Variants in ADGRG1 observed in about 807,000 individuals in gnomAD.
ADGRG1 encodes adhesion G protein-coupled receptor G1, also known as 7-transmembrane protein with no EGF-like N-terminal domains-1.
In ADGRG1, 53 loss-of-function variants were observed where a neutral mutation model predicts 73.5. The observed-to-expected ratio is 0.72, with a 90% CI of 0.58 to 0.91. ADGRG1 has a LOEUF of 0.91. Ranked by LOEUF, ADGRG1 falls within the 40% of genes least tolerant of loss-of-function variation. ADGRG1 has a pLI of 0.00. For missense variants in ADGRG1, 795 were observed against 871.8 expected (o/e 0.91, Z 1.11); for synonymous variants, 394 against 374.4 (o/e 1.05, Z -0.60).
intron 9 of ADGRG1, among the ~76,000 whole-genome samples, chr16:57,656,885 T>C (rs1248396698): frequency 6.6e-6 from 1 of 152,178 alleles, no homozygotes; most frequent in Non-Finnish European, 1.5e-5. Context: ...TGCAGATTCC[T>C]GGCCCTCACC....
intron 1 of ADGRG1, chr16:57,629,278 C>A (rs1446982036): frequency 5.1e-6 from 3 of 585,860 alleles, no homozygotes; most frequent in Non-Finnish European, 6.4e-6. Flanking sequence ...GGACTGGGGC[C>A]CAAGGGGAGC....
chr16:57,625,541 C>G (rs1345693736), upstream of ADGRG1: 1 of 984,410 alleles, frequency 1.0e-6, no homozygotes, highest in African/African-American at 1.7e-5. Context: ...CCCAACTTCC[C>G]CTCTACTCCT....
At position 57,629,931 on chromosome 16, in the gene ADGRG1, G is replaced by A. The variant is rs528985837; in HGVS notation, c.-36+1129G>A. On this transcript the variant is annotated intron_variant, in intron 1 of 13. Transcript: ENST00000562631. ...TCTGATGTTCATTTTACTGCGTAGG[G>A]AGGAGGGGATGGGTCAAGGCAGGGG... The A allele has an allele frequency of 3.7e-5, 30 of 815,060 alleles. No individual in the cohort carries two copies. The African/African-American group carries it at 4.3e-4, about 12-fold the overall frequency. The allele number at this position is 815,060 out of a possible 1,614,324, so 50.5% of individuals were successfully genotyped here.
intron 1 of ADGRG1, chr16:57,642,165 G>A: frequency 1.0e-6 from 1 of 985,374 alleles, no homozygotes; most frequent in Non-Finnish European, 1.2e-6. Context: ...TTGAGATGAA[G>A]TCACAGGCCC....
At chr16:57,637,259 G>A (rs1322555145) in intron 1 of ADGRG1, 1 of 962,108 alleles carries the variant, frequency 1.0e-6, no homozygotes, top group African/African-American at 1.8e-5. Flanking sequence ...CCCTGGTCGG[G>A]AATGTTGTAG....
At chr16:57,642,365 T>A in intron 1 of ADGRG1, 3 of 985,220 alleles carry the variant, frequency 3.0e-6, no homozygotes, top group Middle Eastern at 5.2e-4. Flanking sequence ...TGCCTAAGTG[T>A]CTCCTCTAGC....
At chr16:57,654,633 A>G (rs1299344198) in intron 5 of ADGRG1, among the ~76,000 whole-genome samples, 1 of 152,086 alleles carries the variant, frequency 6.6e-6, no homozygotes, top group East Asian at 1.9e-4. Flanking sequence ...TAATCCCAGC[A>G]TTTTGGGAGG....
chr16:57,650,298 A>G lies in ADGRG1; in HGVS notation c.11A>G (p.Gln4Arg). The change falls in exon 2 of 14, where the codon CAG becomes CGG. Residue 4 changes from glutamine (Q) to arginine (R), a missense_variant. Coordinates refer to ENST00000562631, the MANE Select transcript of ADGRG1 (RefSeq NM_201525.4). MTP[Q>R]SLLQTTLFLL... is the part of the protein sequence containing the mutation. ...CTCCGTCGGAGGAAAATGACTCCCCAGTCGCTGCTGCAGACGACACTGTTC... is the reference window on the plus strand; with the variant it reads ...CTCCGTCGGAGGAAAATGACTCCCCGGTCGCTGCTGCAGACGACACTGTTC... 3 of 1,613,726 alleles carry G rather than the reference A, an allele frequency of 1.9e-6. No homozygotes were observed. The highest frequency in any genetic ancestry group is 1.7e-5 in the Admixed American group (1 of 60,026).
rs1309106217 is a variant in ADGRG1 at position 57,663,579 on chromosome 16, C to T, written c.2061C>T (p.Ile687=). ...CGGGCAGCACCTCGTCCAGCCGCAT[C>T]TAGGCCTCCAGCCCACCTGCCCATG... is the stretch of plus-strand genomic sequence containing the variant. ...ISSGSTSSSR[I] The change falls in exon 14 of 14, where the codon ATC becomes ATT. Residue 687 remains isoleucine, a synonymous_variant. Coordinates refer to ENST00000562631, the MANE Select transcript of ADGRG1 (RefSeq NM_201525.4). 6.2e-7 allele frequency: 1 copy of T among 1,613,204 alleles called. No homozygotes were observed. Among genetic ancestry groups the T allele is most frequent in the South Asian group, 1.1e-5 (1 of 91,084 alleles).
chr16:57,659,840 C>T (rs2046652034), intron 11 of ADGRG1, among the ~76,000 whole-genome samples, 159 bp downstream of exon 11: 1 of 152,216 alleles, frequency 6.6e-6, no homozygotes, highest in Non-Finnish European at 1.5e-5. Context: ...AATCAAGGTC[C>T]CCTTTAGGAA....
At chr16:57,633,045 C>A in intron 1 of ADGRG1, 1 of 759,444 alleles carries the variant, frequency 1.3e-6, no homozygotes, top group Non-Finnish European at 1.6e-6. Context: ...TACCCCCAGC[C>A]TGGATGCTCA....
intron 4 of ADGRG1, chr16:57,653,679 AC>A: frequency 2.3e-6 from 2 of 867,598 alleles, no homozygotes; most frequent in Non-Finnish European, 2.8e-6. Context: ...CTGGGCCCAA[AC>A]CCATGGTGCT....
At chr16:57,622,794 T>A, upstream of ADGRG1, 2 of 985,364 alleles carry the variant, frequency 2.0e-6, no homozygotes, top group Non-Finnish European at 2.4e-6. Flanking sequence ...GTCTACCTTC[T>A]ATCTCAGGCA....
intron 11 of ADGRG1, chr16:57,660,295 T>A: frequency 2.0e-6 from 2 of 985,168 alleles, no homozygotes; most frequent in Non-Finnish European, 2.4e-6. Context: ...CATTCCCCCA[T>A]TTGCATGAAA....
At chr16:57,628,030 G>A (rs1156505828), upstream of ADGRG1, 1 of 984,252 alleles carries the variant, frequency 1.0e-6, no homozygotes, top group Non-Finnish European at 1.2e-6. Context: ...GAAACTGTGG[G>A]TGCTTGAGGA....
chr16:57,650,890 A>G (rs2043902837), intron 2 of ADGRG1: 1 of 177,676 alleles, frequency 5.6e-6, no homozygotes, highest in African/African-American at 2.4e-5. Context: ...TTGTATTTTT[A>G]GTAGAGACGG....
At chr16:57,660,736 G>A in intron 11 of ADGRG1, 32 bp from the exon 12 acceptor site, 1 of 1,515,896 alleles carries the variant, frequency 6.6e-7, no homozygotes, top group South Asian at 1.1e-5. Flanking sequence ...TCAGAGAGCG[G>A]GAAGTAGAGC....
rs751947630 is a variant in ADGRG1, at chr16:57,628,921, AGTGT to A, written c.-36+121_-36+124del. 11 of 645,500 alleles carry A rather than the reference AGTGT, an allele frequency of 1.7e-5. No homozygotes were observed. The African/African-American group carries it at 2.7e-4, about 16-fold the overall frequency. The allele number at this position is 645,500 out of a possible 1,614,324, so 40.0% of individuals were successfully genotyped here. A position where few individuals can be genotyped will look rare whatever the true frequency, so the allele number is the denominator to read the frequency against. On this transcript the variant is annotated intron_variant, in intron 1 of 13. Transcript: ENST00000562631. ...GTGTGAGTGTGAGTGTGTGAGAGTG[AGTGT>A]GAGTGTGAGTGTGAGCGTGAGAGTG...
At chr16:57,627,978 GA>G, upstream of ADGRG1, 1 of 985,192 alleles carries the variant, frequency 1.0e-6, no homozygotes, top group Non-Finnish European at 1.2e-6. Context: ...GCCGTTTCCA[GA>G]AGCCCCTGGG....
Sources: allele counts gnomAD v4.1 joint callset (sites outside exome capture counted in the v4.1 genomes callset), GRCh38; gene constraint gnomAD v4.1.1; transcripts MANE v1.5; gene names NCBI Gene and HGNC (gene_info 2026-07-23, HGNC 2026-07-21).